FIGN: variants seen among roughly 807,000 people sequenced by gnomAD.
The protein encoded by FIGN is fidgetin.
In FIGN, 11 loss-of-function variants were observed where a neutral mutation model predicts 51.3. That is an observed-to-expected ratio of 0.21 (90% CI 0.13 to 0.35). The LOEUF (loss-of-function observed/expected upper bound fraction) is 0.35, where lower values mean the gene tolerates loss of function less well. FIGN is among the 10% of genes least tolerant of loss of function. FIGN has a pLI of 1.00. For synonymous variants in FIGN, 407 were observed against 363.2 expected (o/e 1.12, Z -1.37); for missense variants, 857 against 943.6 (o/e 0.91, Z 1.20).
intron 2 of FIGN, among the ~76,000 whole-genome samples, chr2:163,696,368 A>G (rs2105348035): frequency 6.6e-6 from 1 of 152,234 alleles, no homozygotes; most frequent in East Asian, 1.9e-4. Context: ...AGACTAGAAA[A>G]AAGTAAATGA....
rs1399479909 is a variant in FIGN at position 163,660,890 on chromosome 2, T to A, written c.26-49084A>T. On this transcript the variant is annotated intron_variant, in intron 2 of 2. Transcript: ENST00000333129. ...ATATATATATATATATTTTTTTTTT[T>A]TTTTTTTTTTTTTTTGAGATGGAGT... Among the ~76,000 whole-genome samples the A allele has an allele frequency of 2.1e-3, 171 of 82,968 alleles. 35 individuals are homozygous for A. The highest frequency in any genetic ancestry group is 2.7e-3 in the Admixed American group (19 of 7,020). The allele number at this position is 82,968 out of a possible 152,430, so 54.4% of individuals were successfully genotyped here.
intron 2 of FIGN, among the ~76,000 whole-genome samples, chr2:163,634,943 T>G (rs1316861387): frequency 3.3e-5 from 5 of 152,166 alleles, no homozygotes; most frequent in African/African-American, 1.2e-4. Flanking sequence ...GAGTATGTGC[T>G]CAATAAACAA....
intron 2 of FIGN, among the ~76,000 whole-genome samples, chr2:163,672,176 T>C (rs1218002706): frequency 6.6e-6 from 1 of 151,466 alleles, no homozygotes; most frequent in African/African-American, 2.4e-5. Context: ...GTCCATTTTT[T>C]CCCCTCATTC....
At chr2:163,731,160 G>A (rs944988894) in intron 2 of FIGN, among the ~76,000 whole-genome samples, 1 of 152,086 alleles carries the variant, frequency 6.6e-6, no homozygotes, top group Non-Finnish European at 1.5e-5. Context: ...TCTTCACCTT[G>A]ACATGAACAT....
chr2:163,652,049 A>G (rs1050689703), intron 2 of FIGN, among the ~76,000 whole-genome samples: 1 of 152,122 alleles, frequency 6.6e-6, no homozygotes, highest in Non-Finnish European at 1.5e-5. Flanking sequence ...AATGCTTAAA[A>G]CTTTGTTAAT....
chr2:163,675,694 TTTTC>T (rs1325335170), intron 2 of FIGN, among the ~76,000 whole-genome samples: 6 of 147,838 alleles, frequency 4.1e-5, no homozygotes, highest in Non-Finnish European at 7.4e-5. Flanking sequence ...ATGTCTTTTC[TTTTC>T]TTTCTTTCTT....
intron 2 of FIGN, among the ~76,000 whole-genome samples, chr2:163,623,230 T>A (rs1357476692): frequency 3.3e-5 from 5 of 152,198 alleles, no homozygotes; most frequent in African/African-American, 1.2e-4. Flanking sequence ...TTATAGATAA[T>A]CCAAGAAACC....
At chr2:163,681,636 G>A (rs1223809303) in intron 2 of FIGN, among the ~76,000 whole-genome samples, 3 of 152,146 alleles carry the variant, frequency 2.0e-5, no homozygotes, top group Admixed American at 6.5e-5. Flanking sequence ...TTTGAAGCAC[G>A]ATGAAGGGCA....
chr2:163,723,871 G>T (rs1406038205), intron 2 of FIGN, among the ~76,000 whole-genome samples: 1 of 152,070 alleles, frequency 6.6e-6, no homozygotes. Flanking sequence ...TTTAATGAAT[G>T]CTTATCATCT....
intron 2 of FIGN, among the ~76,000 whole-genome samples, chr2:163,630,421 C>T (rs976050297): frequency 1.3e-5 from 2 of 152,066 alleles, no homozygotes; most frequent in Admixed American, 6.6e-5. Flanking sequence ...GACCTATGTT[C>T]ATGTCCTATT....
At chr2:163,676,444 T>TAG (rs1488881680) in intron 2 of FIGN, among the ~76,000 whole-genome samples, 9 of 49,176 alleles carry the variant, frequency 1.8e-4, no homozygotes, top group African/African-American at 9.5e-4. Context: ...AATATATATA[T>TAG]ATATATATAT....
At chr2:163,655,797 A>ACG (rs1683550121) in intron 2 of FIGN, among the ~76,000 whole-genome samples, 1 of 145,466 alleles carries the variant, frequency 6.9e-6, no homozygotes, top group African/African-American at 2.8e-5. Flanking sequence ...ACACACACAC[A>ACG]CACACACAGA....
At chr2:163,691,088 C>T (rs62169906) in intron 2 of FIGN, among the ~76,000 whole-genome samples, 3,054 of 152,040 alleles carry the variant, frequency 0.02, 55 homozygotes, top group Middle Eastern at 0.037. Context: ...AACTTTTTCC[C>T]AAAGGAAATG....
intron 2 of FIGN, among the ~76,000 whole-genome samples, chr2:163,685,800 G>T (rs1308773640): frequency 6.6e-6 from 1 of 152,210 alleles, no homozygotes; most frequent in African/African-American, 2.4e-5. Flanking sequence ...GTGCTCGCCA[G>T]TAAACTGACT....
At position 163,605,105 on chromosome 2, in the gene FIGN, A is replaced by G. The variant is rs1327196267; in HGVS notation, c.*4447T>C. On this transcript the variant is annotated 3_prime_UTR_variant, in exon 3 of 3. Coordinates refer to ENST00000333129, the MANE Select transcript of FIGN (RefSeq NM_018086.4). The stretch of plus-strand genomic sequence containing the variant: ...CTGACCCATGCTGCCGACATTCTAC[A>G]TATCACTGAGACAGGGAGGTGAAAT... The G allele has an allele frequency of 6.6e-6, 1 of 151,948 alleles. No homozygotes were observed. Among genetic ancestry groups the G allele is most frequent in the Non-Finnish European group, 1.5e-5 (1 of 67,970 alleles). 9.4% of individuals were successfully genotyped at this position (151,948 alleles called of 1,614,324 possible).
At chr2:163,690,298 T>C (rs948984224) in intron 2 of FIGN, among the ~76,000 whole-genome samples, 2 of 152,128 alleles carry the variant, frequency 1.3e-5, no homozygotes, top group African/African-American at 4.8e-5. Context: ...ATAATTGTAG[T>C]TCAAAACAAT....
chr2:163,706,993 C>A (rs971784441), intron 2 of FIGN, among the ~76,000 whole-genome samples: 1 of 152,152 alleles, frequency 6.6e-6, no homozygotes, highest in Admixed American at 6.6e-5. Flanking sequence ...CTTAACATTT[C>A]TTTTCTGTCT....
At chr2:163,688,336 A>G (rs897017777) in intron 2 of FIGN, among the ~76,000 whole-genome samples, 4 of 152,202 alleles carry the variant, frequency 2.6e-5, no homozygotes, top group African/African-American at 9.6e-5. Flanking sequence ...AGCAAACAAA[A>G]TGAAGACATA....
At chr2:163,717,748 G>A (rs1440535809) in intron 2 of FIGN, among the ~76,000 whole-genome samples, 2 of 152,126 alleles carry the variant, frequency 1.3e-5, no homozygotes, top group African/African-American at 4.8e-5. Flanking sequence ...TTTCCTCTCA[G>A]GCTTTCAAGG....
Sources: allele counts gnomAD v4.1 joint callset (sites outside exome capture counted in the v4.1 genomes callset), GRCh38; gene constraint gnomAD v4.1.1; transcripts MANE v1.5; gene names NCBI Gene and HGNC (gene_info 2026-07-23, HGNC 2026-07-21).